The following ZNF536 variants were observed in gnomAD, a reference collection of about 807,000 sequenced individuals.
ZNF536 encodes the protein zinc finger protein 536.
ZNF536 carries 13 observed loss-of-function variants against 84.5 expected under a neutral mutation model. That is an observed-to-expected ratio of 0.15 (90% CI 0.10 to 0.24). The LOEUF is 0.24. Ranked by LOEUF, ZNF536 falls within the 10% of genes least tolerant of loss-of-function variation. The pLI, the probability that ZNF536 is intolerant of heterozygous loss-of-function variation, is 1.00. For synonymous variants in ZNF536, 811 were observed against 742.5 expected (o/e 1.09, Z -1.50); for missense variants, 1,536 against 1,747.5 (o/e 0.88, Z 2.16).
intron 2 of ZNF536, among the ~76,000 whole-genome samples, chr19:30,341,965 A>G (rs1244196373): frequency 2.6e-5 from 4 of 152,228 alleles, no homozygotes; most frequent in African/African-American, 9.6e-5. Context: ...AATCATTAGC[A>G]TATTTGGATC....
intron 2 of ZNF536, among the ~76,000 whole-genome samples, chr19:30,348,569 C>T (rs1043022656): frequency 3.3e-5 from 5 of 152,146 alleles, no homozygotes; most frequent in South Asian, 2.1e-4. Flanking sequence ...CTCCTGAGTC[C>T]TGAGGACTGG....
intron 1 of ZNF536, among the ~76,000 whole-genome samples, chr19:30,599,872 A>G (rs935843260): frequency 2.0e-5 from 3 of 152,114 alleles, no homozygotes; most frequent in Admixed American, 2.0e-4. Flanking sequence ...TGATTTTCTG[A>G]AAAGCTGTAG....
chr19:30,406,335 A>T (rs1287355501), intron 1 of ZNF536, among the ~76,000 whole-genome samples: 1 of 152,084 alleles, frequency 6.6e-6, no homozygotes, highest in Non-Finnish European at 1.5e-5. Context: ...GGACTAGGAA[A>T]GGATCAGGAG....
intron 1 of ZNF536, among the ~76,000 whole-genome samples, chr19:30,278,871 C>T (rs1245028825): frequency 6.6e-6 from 1 of 152,174 alleles, no homozygotes; most frequent in Non-Finnish European, 1.5e-5. Context: ...GCATACAGTG[C>T]AAATAGATCA....
At chr19:30,647,316 T>G (rs2049512225) in intron 1 of ZNF536, among the ~76,000 whole-genome samples, 1 of 152,208 alleles carries the variant, frequency 6.6e-6, no homozygotes, top group Non-Finnish European at 1.5e-5. Flanking sequence ...TAAATATAGG[T>G]GTTGCATAAG....
intron 1 of ZNF536, among the ~76,000 whole-genome samples, chr19:30,627,022 C>T (rs1364480157): frequency 6.6e-6 from 1 of 152,116 alleles, no homozygotes; most frequent in African/African-American, 2.4e-5. Context: ...GAGTACTGGG[C>T]TCTGGAGGGT....
intron 1 of ZNF536, among the ~76,000 whole-genome samples, chr19:30,647,812 G>A (rs933631186): frequency 1.2e-4 from 18 of 152,232 alleles, no homozygotes; most frequent in African/African-American, 4.1e-4. Flanking sequence ...CTTTGCTAGC[G>A]AAACTGTTTT....
At chr19:30,424,336 G>A (rs949814282) in intron 1 of ZNF536, among the ~76,000 whole-genome samples, 2 of 152,138 alleles carry the variant, frequency 1.3e-5, no homozygotes, top group African/African-American at 4.8e-5. Flanking sequence ...TAAAGAGGAG[G>A]CCAGGAATCC....
chr19:30,346,922 C>T (rs1166444404), intron 2 of ZNF536, among the ~76,000 whole-genome samples: 1 of 152,046 alleles, frequency 6.6e-6, no homozygotes, highest in Non-Finnish European at 1.5e-5. Context: ...GGAATCAACA[C>T]AGTCTTCCAC....
At chr19:30,502,066 A>C (rs1191114717) in intron 2 of ZNF536, among the ~76,000 whole-genome samples, 1 of 152,204 alleles carries the variant, frequency 6.6e-6, no homozygotes, top group African/African-American at 2.4e-5. Flanking sequence ...AATGTAGACT[A>C]TGATATTTCA....
rs995225299 is a variant in ZNF536, at chr19:30,480,447, A to T, written c.2170+34715A>T. The stretch of plus-strand genomic sequence containing the variant: ...ATCATTCTCAGCAAACTAATACAGG[A>T]ACAGAAAACCAAACACCGGATGTTC... On this transcript the variant is annotated intron_variant, in intron 2 of 4. Coordinates refer to ENST00000355537, the MANE Select transcript of ZNF536 (RefSeq NM_014717.3). Among the ~76,000 whole-genome samples, 3 of 152,172 alleles carry T rather than the reference A, an allele frequency of 2.0e-5. No individual in the cohort carries two copies. In the South Asian group the frequency reaches 6.2e-4, roughly 32 times the overall value.
At chr19:30,626,119 A>C (rs2147187148) in intron 1 of ZNF536, among the ~76,000 whole-genome samples, 1 of 152,328 alleles carries the variant, frequency 6.6e-6, no homozygotes. Flanking sequence ...GTCTGTCTCT[A>C]TGGCAAGGAG....
intron 2 of ZNF536, among the ~76,000 whole-genome samples, chr19:30,516,760 A>T (rs1340437271): frequency 6.6e-6 from 1 of 152,190 alleles, no homozygotes; most frequent in Admixed American, 6.5e-5. Flanking sequence ...TGTTCAGAAA[A>T]GGTTTAGAGA....
At chr19:30,389,089 T>A (rs187454778) in intron 1 of ZNF536, among the ~76,000 whole-genome samples, 21 of 152,328 alleles carry the variant, frequency 1.4e-4, no homozygotes, top group Non-Finnish European at 2.4e-4. Context: ...CAAGACTGAG[T>A]GTCAGGCCTG....
chr19:30,632,651 AAACCAACCAACC>A (rs34446654), intron 1 of ZNF536, among the ~76,000 whole-genome samples: 14 of 149,594 alleles, frequency 9.4e-5, no homozygotes, highest in South Asian at 4.3e-4. Flanking sequence ...ATCAACCAAC[AAACCAACCAACC>A]AACCAACCAA....
intron 1 of ZNF536, among the ~76,000 whole-genome samples, chr19:30,271,512 A>G (rs572735410): frequency 6.6e-6 from 1 of 152,160 alleles, no homozygotes; most frequent in East Asian, 1.9e-4. Context: ...TTAGGGGTCA[A>G]GTTCACCAGG....
intron 1 of ZNF536, among the ~76,000 whole-genome samples, chr19:30,234,744 T>TACACACAC (rs111232052): frequency 3.4e-4 from 50 of 147,744 alleles, no homozygotes; most frequent in Middle Eastern, 3.4e-3. Flanking sequence ...ATTACTAAAT[T>TACACACAC]ACACACACAC....
At chr19:30,571,815 C>T (rs565732353) in intron 1 of ZNF536, among the ~76,000 whole-genome samples, 2 of 152,162 alleles carry the variant, frequency 1.3e-5, no homozygotes, top group East Asian at 3.9e-4. Context: ...TACATTGGGC[C>T]CTCCATGATG....
At chr19:30,638,885 T>C (rs12461634) in intron 1 of ZNF536, among the ~76,000 whole-genome samples, 2,025 of 152,378 alleles carry the variant, frequency 0.013, 84 homozygotes, top group Admixed American at 0.087. Flanking sequence ...ATTTCAAAAC[T>C]GTCTAGCTCT....
Sources: gnomAD v4.1 joint callset for allele counts (sites outside exome capture counted in the v4.1 genomes callset) on GRCh38, gnomAD v4.1.1 for gene constraint, MANE v1.5 for transcripts, NCBI Gene and HGNC (gene_info 2026-07-23, HGNC 2026-07-21) for gene names.